OLAH: variants seen among roughly 807,000 people sequenced by gnomAD.
OLAH encodes the protein oleoyl-ACP hydrolase, also known as S-acyl fatty acid synthase thioesterase, medium chain.
In OLAH, 33 loss-of-function variants were observed where a neutral mutation model predicts 27.8. The ratio of observed to expected loss-of-function variants is 1.19; its 90% confidence interval spans 0.90 to 1.59. The LOEUF is 1.59. OLAH is among the 40% of genes most tolerant of loss of function. OLAH has a pLI of 0.00. For missense variants in OLAH, 359 were observed against 310.8 expected, an observed-to-expected ratio of 1.16 and a Z score of -1.17; for synonymous variants, 120 against 102.9, an observed-to-expected ratio of 1.17 and a Z score of -1.01.
chr10:15,072,299 T>A (rs894044549), intron 7 of OLAH, among the ~76,000 whole-genome samples: 1 of 152,156 alleles, frequency 6.6e-6, no homozygotes, highest in African/African-American at 2.4e-5. Context: ...CGTTCGATGA[T>A]TTTTGACCAA....
intron 1 of OLAH, 145 bp from the exon 2 acceptor site, chr10:15,046,981 A>C (rs926696914): frequency 3.0e-5 from 8 of 267,072 alleles, no homozygotes; most frequent in African/African-American, 1.5e-4. Flanking sequence ...ATGGGGTGGG[A>C]TGGGGGTGGT....
chr10:15,037,103 C>G (rs941838310), intron 1 of OLAH, among the ~76,000 whole-genome samples: 1 of 150,794 alleles, frequency 6.6e-6, no homozygotes, highest in East Asian at 2.0e-4. Context: ...AACAAACAAA[C>G]AAACAAACAG....
At chr10:15,042,849 C>CT (rs67828197), upstream of OLAH, among the ~76,000 whole-genome samples, 10,276 of 60,282 alleles carry the variant, frequency 0.17, 3,338 homozygotes, top group East Asian at 0.29. Flanking sequence ...ACCCACGTGT[C>CT]TTTTTTTTTT....
rs912104533 is a variant in OLAH, at chr10:15,064,595, G to C, written c.402+93G>C. 2.0e-5 allele frequency: 14 copies of C among 702,674 alleles called. No homozygotes were observed. In the Admixed American group the frequency reaches 4.6e-4, roughly 23 times the overall value. 43.5% of individuals were successfully genotyped at this position (702,674 alleles called of 1,614,324 possible). A position where few individuals can be genotyped will look rare whatever the true frequency, so the allele number is the denominator to read the frequency against. On this transcript the variant is annotated intron_variant, in intron 5 of 7. Transcript: ENST00000378228. Reference sequence around the variant, plus strand: ...TTATTTCTCTATCTGGTGAATTCTGGTCCAGTATGATGATGATGGTGGGGA... The same window carrying C: ...TTATTTCTCTATCTGGTGAATTCTGCTCCAGTATGATGATGATGGTGGGGA...
At chr10:15,051,629 A>G (rs1448758941) in intron 3 of OLAH, among the ~76,000 whole-genome samples, 1 of 151,576 alleles carries the variant, frequency 6.6e-6, no homozygotes, top group Non-Finnish European at 1.5e-5. Flanking sequence ...AACTTACTGT[A>G]TTTTTTTCTT....
At chr10:15,043,477 CTTT>C (rs35687747), upstream of OLAH, among the ~76,000 whole-genome samples, 6 of 133,500 alleles carry the variant, frequency 4.5e-5, no homozygotes, top group Admixed American at 1.5e-4. Flanking sequence ...TTCTCTTCTT[CTTT>C]TTTTTTTTTT....
chr10:15,034,499 G>C (rs538440594), intron 1 of OLAH, among the ~76,000 whole-genome samples: 1 of 152,240 alleles, frequency 6.6e-6, no homozygotes, highest in East Asian at 1.9e-4. Flanking sequence ...AAGGAACTCC[G>C]AAAGGAAATA....
intron 5 of OLAH, among the ~76,000 whole-genome samples, chr10:15,064,889 T>C (rs183945124): frequency 6.6e-6 from 1 of 152,270 alleles, no homozygotes; most frequent in East Asian, 1.9e-4. Context: ...ACTCCTGACC[T>C]CAGGTGATCC....
chr10:15,049,703 G>A lies in OLAH; in HGVS notation c.101G>A (p.Trp34Ter). 1.2e-6 allele frequency: 2 copies of A among 1,610,652 alleles called. No individual in the cohort carries two copies. The highest frequency in any genetic ancestry group is 2.2e-5 in the East Asian group (1 of 44,800). Residue 34 changes from tryptophan (W) to a stop codon, truncating the protein, a stop_gained, in exon 3 of 8, where the codon TGG becomes TAG. Coordinates refer to ENST00000378228, the MANE Select transcript of OLAH (RefSeq NM_001039702.3). LOFTEE classifies it high-confidence loss of function. ...EATFKLICFPWMGGGSTHFAK... is the reference protein window; with the variant it reads ...EATFKLICFP ...ACTTTTAAGCTGATTTGCTTTCCCT[G>A]GATGGGAGGTGGCTCCACTCATTTT...
chr10:15,061,475 CCTTT>C (rs1168452916), intron 3 of OLAH, among the ~76,000 whole-genome samples: 1 of 151,600 alleles, frequency 6.6e-6, no homozygotes, highest in Non-Finnish European at 1.5e-5. Flanking sequence ...ATTTTCAGTT[CCTTT>C]GTTTTTTTTT....
intron 3 of OLAH, among the ~76,000 whole-genome samples, chr10:15,051,351 G>A (rs918501569): frequency 1.3e-5 from 2 of 152,162 alleles, no homozygotes; most frequent in African/African-American, 4.8e-5. Flanking sequence ...AGCATAAAAA[G>A]TTAACAAGTA....
chr10:15,033,031 G>A (rs1020338000), intron 1 of OLAH, among the ~76,000 whole-genome samples: 11 of 141,780 alleles, frequency 7.8e-5, no homozygotes, highest in Middle Eastern at 3.7e-3. Flanking sequence ...CACCACCACA[G>A]TGGGCTAATT....
Position 15,049,583 on chromosome 10 carries a change from G to A in OLAH, c.33-52G>A, listed in dbSNP as rs1844091461. The A allele has an allele frequency of 2.6e-6, 3 of 1,174,382 alleles. No homozygotes were observed. In the Admixed American group the frequency reaches 7.7e-5, roughly 30 times the overall value. The allele number at this position is 1,174,382 out of a possible 1,614,324, so 72.7% of individuals were successfully genotyped here. On this transcript the variant is annotated intron_variant, in intron 2 of 7. Coordinates refer to ENST00000378228, the MANE Select transcript of OLAH (RefSeq NM_001039702.3). ...ATTAAAACACAGGTAATTCAGTATA[G>A]GGAACTTAATTGATATACATAATGT...
At chr10:15,058,490 C>T (rs979604980) in intron 3 of OLAH, among the ~76,000 whole-genome samples, 18 of 152,110 alleles carry the variant, frequency 1.2e-4, no homozygotes, top group African/African-American at 3.9e-4. Flanking sequence ...TTATTCCATT[C>T]CTCTCTCTTG....
At chr10:15,053,391 G>A (rs561072631) in intron 3 of OLAH, among the ~76,000 whole-genome samples, 29 of 152,140 alleles carry the variant, frequency 1.9e-4, no homozygotes, top group Admixed American at 2.6e-4. Flanking sequence ...TCACACATGC[G>A]CACTAAGAGG....
intron 3 of OLAH, chr10:15,056,987 G>A: frequency 1.4e-6 from 2 of 1,408,424 alleles, no homozygotes; most frequent in Non-Finnish European, 1.9e-6. Flanking sequence ...TTTTTAGTAG[G>A]TTTTTTGTGT....
upstream of OLAH, chr10:15,032,204 T>C (rs970171271): frequency 3.9e-5 from 6 of 152,148 alleles, no homozygotes; most frequent in Non-Finnish European, 8.8e-5. Flanking sequence ...TGGACTAGCC[T>C]AGCCTCCCAG....
chr10:15,072,037 G>A (rs757795594), intron 7 of OLAH, among the ~76,000 whole-genome samples, 160 bp downstream of exon 7: 8 of 152,090 alleles, frequency 5.3e-5, no homozygotes, highest in South Asian at 4.1e-4. Flanking sequence ...AGGTTCAAAC[G>A]ATTCTCCTGC....
intron 6 of OLAH, among the ~76,000 whole-genome samples, chr10:15,070,273 C>T (rs1285423807): frequency 6.6e-6 from 1 of 151,810 alleles, no homozygotes; most frequent in Non-Finnish European, 1.5e-5. Flanking sequence ...CTATCACATA[C>T]ACTTGGTCCC....
Sources: gnomAD v4.1 joint callset for allele counts (sites outside exome capture counted in the v4.1 genomes callset) on GRCh38, gnomAD v4.1.1 for gene constraint, MANE v1.5 for transcripts, NCBI Gene and HGNC (gene_info 2026-07-23, HGNC 2026-07-21) for gene names.